Variants in CACNA2D1 observed in about 807,000 individuals in gnomAD.
The protein encoded by CACNA2D1 is calcium voltage-gated channel auxiliary subunit alpha2delta 1, also known as voltage-dependent calcium channel subunit alpha-2/delta-1.
A neutral mutation model predicts 171.5 loss-of-function variants in CACNA2D1; 53 were observed. That is an observed-to-expected ratio of 0.31 (90% CI 0.25 to 0.39). The LOEUF (loss-of-function observed/expected upper bound fraction) is 0.39. CACNA2D1 is among the 10% of genes least tolerant of loss of function. CACNA2D1 has a pLI of 1.00. For synonymous variants in CACNA2D1, 442 were observed against 443.1 expected, an observed-to-expected ratio of 1.00 and a Z score of 0.03; for missense variants, 903 against 1,299.8, an observed-to-expected ratio of 0.69 and a Z score of 4.69.
At chr7:82,175,319 G>A (rs1796449332) in intron 3 of CACNA2D1, among the ~76,000 whole-genome samples, 1 of 151,966 alleles carries the variant, frequency 6.6e-6, no homozygotes, top group African/African-American at 2.4e-5. Context: ...TTCAGCTAAT[G>A]TAAGTCAAGA....
rs968109453 is a variant in CACNA2D1, at chr7:81,947,527, A to C, written c.*2865T>G. 4 of 151,982 alleles carry C rather than the reference A, an allele frequency of 2.6e-5. No homozygotes were observed. Among genetic ancestry groups the C allele is most frequent in the Non-Finnish European group, 5.9e-5 (4 of 67,878 alleles). 9.4% of individuals were successfully genotyped at this position (151,982 alleles called of 1,614,324 possible). A position where few individuals can be genotyped will look rare whatever the true frequency, so the allele number is the denominator to read the frequency against. ...GCTGGTTGTTTAAATGAGGAAAATA[A>C]AAAGAAATCATTAATGCAAAATTCT... On this transcript the variant is annotated 3_prime_UTR_variant, in exon 39 of 39. Transcript: ENST00000356860.
intron 21 of CACNA2D1, among the ~76,000 whole-genome samples, chr7:81,989,584 C>T (rs1382710501): frequency 6.6e-6 from 1 of 152,134 alleles, no homozygotes; most frequent in African/African-American, 2.4e-5. Context: ...CCTAAAATTA[C>T]AGGATTATGG....
At chr7:82,412,406 CCGAGTA>C (rs1827771539) in intron 1 of CACNA2D1, among the ~76,000 whole-genome samples, 1 of 151,756 alleles carries the variant, frequency 6.6e-6, no homozygotes, top group Non-Finnish European at 1.5e-5. Flanking sequence ...CTTCAGACTC[CCGAGTA>C]GCTGAGATTA....
At chr7:82,198,140 A>G (rs913865606) in intron 3 of CACNA2D1, among the ~76,000 whole-genome samples, 5 of 152,108 alleles carry the variant, frequency 3.3e-5, no homozygotes, top group African/African-American at 9.7e-5. Flanking sequence ...GCTGTAAACC[A>G]GGCACTGTGC....
intron 3 of CACNA2D1, among the ~76,000 whole-genome samples, chr7:82,334,038 C>T (rs1331539474): frequency 6.6e-6 from 1 of 152,064 alleles, no homozygotes; most frequent in African/African-American, 2.4e-5. Flanking sequence ...ACCTACAAAT[C>T]AATTTTTTAA....
intron 10 of CACNA2D1, chr7:82,050,298 A>G (rs2131302790): frequency 2.8e-6 from 1 of 361,140 alleles, no homozygotes; most frequent in South Asian, 5.2e-5. Context: ...AGCCTCCTAC[A>G]GTGTCATAGA....
At chr7:81,969,388 C>T (rs1254502073) in intron 28 of CACNA2D1, among the ~76,000 whole-genome samples, 2 of 151,096 alleles carry the variant, frequency 1.3e-5, no homozygotes, top group African/African-American at 4.8e-5. Flanking sequence ...ACTTGTTTCC[C>T]CATTTAGGAA....
At chr7:82,272,981 C>A (rs986347615) in intron 3 of CACNA2D1, among the ~76,000 whole-genome samples, 1 of 152,018 alleles carries the variant, frequency 6.6e-6, no homozygotes, top group African/African-American at 2.4e-5. Context: ...TGAGGTAATT[C>A]ATTATATGTA....
At chr7:82,369,954 C>A (rs562690099) in intron 1 of CACNA2D1, among the ~76,000 whole-genome samples, 1 of 151,956 alleles carries the variant, frequency 6.6e-6, no homozygotes, top group East Asian at 1.9e-4. Flanking sequence ...ATGGCAAAAG[C>A]GGCCTAATCA....
At chr7:82,352,138 C>T (rs1305504764) in intron 1 of CACNA2D1, among the ~76,000 whole-genome samples, 1 of 152,146 alleles carries the variant, frequency 6.6e-6, no homozygotes, top group Non-Finnish European at 1.5e-5. Context: ...TCCAGTCTTC[C>T]CTACCCCACT....
chr7:82,141,268 A>G (rs1563107962), intron 4 of CACNA2D1, among the ~76,000 whole-genome samples: 1 of 152,202 alleles, frequency 6.6e-6, no homozygotes, highest in East Asian at 1.9e-4. Context: ...CTTAGGAATA[A>G]AAGATGATTC....
Position 82,443,464 on chromosome 7 carries a change from G to T in CACNA2D1, c.-5C>A. 6.2e-7 allele frequency: 1 copy of T among 1,607,042 alleles called. No individual in the cohort carries two copies. The highest frequency in any genetic ancestry group is 1.1e-5 in the South Asian group (1 of 90,372). On this transcript the variant is annotated 5_prime_UTR_variant, in exon 1 of 39. Transcript: ENST00000356860. ...CAGCAGGCAGCCAGCAGCCATCTTCGCGATCGAAGATCAATGCCCCCTCCC... is the reference window on the plus strand; with the variant it reads ...CAGCAGGCAGCCAGCAGCCATCTTCTCGATCGAAGATCAATGCCCCCTCCC...
chr7:82,316,283 T>C (rs1463345644), intron 3 of CACNA2D1, among the ~76,000 whole-genome samples: 2 of 152,218 alleles, frequency 1.3e-5, no homozygotes, highest in African/African-American at 2.4e-5. Context: ...TCTCACTGAA[T>C]AGCATTGCTT....
rs1229504 is a variant in CACNA2D1 at position 81,970,951 on chromosome 7, T to G, written c.2142-214A>C. On this transcript the variant is annotated intron_variant, in intron 26 of 38. Coordinates refer to ENST00000356860, the MANE Select transcript of CACNA2D1 (RefSeq NM_000722.4). The stretch of plus-strand genomic sequence containing the variant: ...CATAGGAAATAATGACTGAGGTGCA[T>G]TTTGAACATGGAGTATGAATTGACA... 183,639 of 539,754 alleles carry G rather than the reference T, an allele frequency of 0.34. 33,101 individuals carry two copies. The highest frequency in any genetic ancestry group is 0.38 in the Non-Finnish European group (114,410 of 299,700). 33.4% of individuals were successfully genotyped at this position (539,754 alleles called of 1,614,324 possible).
At chr7:82,279,392 T>C (rs1190671419) in intron 3 of CACNA2D1, among the ~76,000 whole-genome samples, 1 of 152,178 alleles carries the variant, frequency 6.6e-6, no homozygotes, top group Non-Finnish European at 1.5e-5. Context: ...AATTCAAATT[T>C]TAGGGAAAGA....
At chr7:82,270,314 C>A (rs771961621) in intron 3 of CACNA2D1, among the ~76,000 whole-genome samples, 2 of 152,064 alleles carry the variant, frequency 1.3e-5, no homozygotes, top group Non-Finnish European at 1.5e-5. Flanking sequence ...ATTTACTTAC[C>A]CCTTTACTTC....
At chr7:82,254,299 G>A (rs1288020409) in intron 3 of CACNA2D1, among the ~76,000 whole-genome samples, 1 of 152,172 alleles carries the variant, frequency 6.6e-6, no homozygotes, top group South Asian at 2.1e-4. Flanking sequence ...ATTGTAGGGA[G>A]AAGGAACCAT....
chr7:81,960,969 G>T (rs1794045719), intron 36 of CACNA2D1, among the ~76,000 whole-genome samples: 1 of 151,844 alleles, frequency 6.6e-6, no homozygotes, highest in Non-Finnish European at 1.5e-5. Flanking sequence ...GCTAAAGAAA[G>T]TCATAAAACA....
At chr7:82,079,995 A>T (rs1236644365) in intron 7 of CACNA2D1, among the ~76,000 whole-genome samples, 2 of 150,420 alleles carry the variant, frequency 1.3e-5, no homozygotes, top group Non-Finnish European at 2.9e-5. Flanking sequence ...TCAATTTTTA[A>T]TTTTTTTATT....
Sources: allele counts gnomAD v4.1 joint callset (sites outside exome capture counted in the v4.1 genomes callset), GRCh38; gene constraint gnomAD v4.1.1; transcripts MANE v1.5; gene names NCBI Gene and HGNC (gene_info 2026-07-23, HGNC 2026-07-21).